Variants in SIN3A observed in about 807,000 individuals in gnomAD.
SIN3A encodes the protein SIN3 transcription regulator family member A.
A neutral mutation model predicts 146.1 loss-of-function variants in SIN3A; 14 were observed. The observed-to-expected ratio is 0.10, with a 90% confidence interval of 0.06 to 0.15. The LOEUF (loss-of-function observed/expected upper bound fraction) is 0.15. SIN3A is among the 10% of genes least tolerant of loss of function. The pLI is 1.00. For missense variants in SIN3A, 1,028 were observed against 1,576.0 expected (o/e 0.65, Z 5.89); for synonymous variants, 572 against 572.0 (o/e 1.00, Z 0.00).
intron 19 of SIN3A, chr15:75,376,218 A>G (rs2072853031): frequency 6.9e-6 from 2 of 289,750 alleles, no homozygotes; most frequent in Admixed American, 4.8e-5. Flanking sequence ...ATCATACTAT[A>G]TATTTTGTCC....
In SIN3A at chr15:75,430,400, C is replaced by A. The variant is rs770765767; in HGVS notation, c.-25G>T. The A allele has an allele frequency of 1.9e-6, 3 of 1,578,026 alleles. No homozygotes were observed. The highest frequency in any genetic ancestry group is 1.2e-5 in the South Asian group (1 of 86,524). ...TTCTGTGCTCATGCTCAGGGATGCA[C>A]TACAAAACCTGCAGAAACCAAAAGC... On this transcript the variant is annotated 5_prime_UTR_variant, in exon 2 of 21. Coordinates refer to ENST00000394947, the MANE Select transcript of SIN3A (RefSeq NM_001145358.2).
chr15:75,400,043 A>G lies in SIN3A; in HGVS notation c.1851T>C (p.Phe617=). 1 of 1,568,258 alleles carries G rather than the reference A, an allele frequency of 6.4e-7. No homozygotes were observed. The highest frequency in any genetic ancestry group is 8.8e-7 in the Non-Finnish European group (1 of 1,138,502). The change falls in exon 12 of 21, where the codon TTT becomes TTC. Residue 617 remains phenylalanine (F), a synonymous_variant. Coordinates refer to ENST00000394947, the MANE Select transcript of SIN3A (RefSeq NM_001145358.2). The part of the protein sequence containing the change: ...EHIYRCEDER[F]ELDVVLETNL... ...CAAATGCCAAACAAGCTTGTACCTCAAAGCGTTCATCTTCACAACGATAAA... is the reference window on the plus strand; with the variant it reads ...CAAATGCCAAACAAGCTTGTACCTCGAAGCGTTCATCTTCACAACGATAAA...
chr15:75,444,619 A>G (rs1490457172), intron 1 of SIN3A, among the ~76,000 whole-genome samples: 1 of 152,038 alleles, frequency 6.6e-6, no homozygotes, highest in Non-Finnish European at 1.5e-5. Context: ...CTGTAATCCC[A>G]GCACTTTGGG....
chr15:75,411,300 C>T (rs1049951446), intron 6 of SIN3A, among the ~76,000 whole-genome samples, 192 bp downstream of exon 6: 1 of 152,208 alleles, frequency 6.6e-6, no homozygotes, highest in African/African-American at 2.4e-5. Context: ...TACACTCCAG[C>T]CTGGGTGACA....
intron 1 of SIN3A, among the ~76,000 whole-genome samples, chr15:75,445,220 A>C (rs754428813): frequency 3.3e-5 from 5 of 151,902 alleles, no homozygotes; most frequent in Non-Finnish European, 7.4e-5. Context: ...GTCTCTACTA[A>C]AAATACAAAA....
intron 9 of SIN3A, among the ~76,000 whole-genome samples, chr15:75,405,750 CAAAAATAAAAAT>C (rs1208326085): frequency 2.0e-5 from 3 of 151,946 alleles, no homozygotes; most frequent in Non-Finnish European, 2.9e-5. Context: ...GGCTCTGTCT[CAAAAATAAAAAT>C]AAAAATAAAA....
intron 20 of SIN3A, among the ~76,000 whole-genome samples, chr15:75,373,316 T>G (rs573236187): frequency 6.6e-6 from 1 of 152,092 alleles, no homozygotes; most frequent in Non-Finnish European, 1.5e-5. Flanking sequence ...AAGTGGAGGA[T>G]GCAGTGAGCT....
In SIN3A at chr15:75,396,447, G is replaced by A; in HGVS notation, c.1904C>T (p.Ala635Val). Residue 635 changes from alanine (A) to valine (V), a missense_variant, in exon 13 of 21, where the codon GCA becomes GTA. Coordinates refer to ENST00000394947, the MANE Select transcript of SIN3A (RefSeq NM_001145358.2). The part of the protein sequence containing the change: ...TNLATIRVLE[A>V]IQKKLSRLSA... Reference sequence around the variant, plus strand: ...CAAGCGGGAAAGCTTCTTCTGTATTGCTTCCAGAACCCGGATTGTTGCCAG... The same window carrying A: ...CAAGCGGGAAAGCTTCTTCTGTATTACTTCCAGAACCCGGATTGTTGCCAG... The A allele has an allele frequency of 6.2e-7, 1 of 1,614,074 alleles. No individual in the cohort carries two copies. Among genetic ancestry groups the A allele is most frequent in the African/African-American group, 1.3e-5 (1 of 75,004 alleles).
intron 15 of SIN3A, among the ~76,000 whole-genome samples, chr15:75,391,554 T>G (rs956992614): frequency 6.6e-6 from 1 of 151,584 alleles, no homozygotes; most frequent in African/African-American, 2.4e-5. Context: ...GGCTATTTCC[T>G]TAAGAGCCCA....
chr15:75,423,287 A>G (rs972618719), intron 2 of SIN3A, among the ~76,000 whole-genome samples: 2 of 152,120 alleles, frequency 1.3e-5, no homozygotes, highest in Non-Finnish European at 2.9e-5. Flanking sequence ...AAAAAAAAAG[A>G]AAGAAAAGAA....
intron 9 of SIN3A, among the ~76,000 whole-genome samples, chr15:75,403,853 T>C (rs2073459466): frequency 1.3e-5 from 2 of 152,304 alleles, no homozygotes; most frequent in Admixed American, 6.5e-5. Context: ...GCCTGTTGCC[T>C]CTCTTAACAT....
Position 75,380,713 on chromosome 15 carries a change from T to A in SIN3A, c.3299A>T (p.Asp1100Val). The A allele has an allele frequency of 6.2e-7, 1 of 1,613,738 alleles. No homozygotes were observed. The highest frequency in any genetic ancestry group is 8.5e-7 in the Non-Finnish European group (1 of 1,179,742). ...TGAATTCATGTATCGCTCCACGTAG[T>A]CTGACCAGCGCTAAGATGGCAAACA... ...DDPVEAERWS[D>V]YVERYMNSDT... Residue 1100 changes from aspartate to valine, a missense_variant, in exon 19 of 21, where the codon GAC becomes GTC. Asp to Val is a radical substitution (Grantham distance 152, BLOSUM62 -3). Transcript: ENST00000394947.
chr15:75,434,802 G>A (rs564174693), intron 1 of SIN3A, among the ~76,000 whole-genome samples: 27 of 151,554 alleles, frequency 1.8e-4, no homozygotes, highest in African/African-American at 5.1e-4. Flanking sequence ...CACAAAATTA[G>A]CCGGGCATGG....
chr15:75,409,652 G>A (rs565604792), intron 8 of SIN3A, among the ~76,000 whole-genome samples, 184 bp downstream of exon 8: 9 of 152,076 alleles, frequency 5.9e-5, no homozygotes, highest in Middle Eastern at 3.4e-3. Context: ...GCTTGAACCC[G>A]GGAGGCAGAG....
intron 1 of SIN3A, chr15:75,447,578 C>G (rs1342998813): frequency 6.6e-6 from 1 of 152,240 alleles, no homozygotes. Context: ...CATAATCAAG[C>G]AGTCACATTT....
chr15:75,410,021 C>A, intron 7 of SIN3A, 30 bp from the exon 8 acceptor site: 1 of 1,611,788 alleles, frequency 6.2e-7, no homozygotes, highest in South Asian at 1.1e-5. Flanking sequence ...GAGATTAATG[C>A]TCTTATCAAA....
intron 1 of SIN3A, among the ~76,000 whole-genome samples, chr15:75,442,763 T>C (rs937479700): frequency 6.6e-5 from 10 of 151,468 alleles, no homozygotes; most frequent in African/African-American, 2.4e-4. Flanking sequence ...AACCCCATCT[T>C]TTACTAAAAA....
chr15:75,377,800 G>A (rs1218628591), intron 19 of SIN3A, among the ~76,000 whole-genome samples: 2 of 152,156 alleles, frequency 1.3e-5, no homozygotes, highest in African/African-American at 4.8e-5. Flanking sequence ...TTGAGCAATT[G>A]CTTGAGTTGT....
At chr15:75,411,267 G>A (rs914858613) in intron 6 of SIN3A, among the ~76,000 whole-genome samples, 20 of 152,244 alleles carry the variant, frequency 1.3e-4, no homozygotes, top group African/African-American at 4.6e-4. Context: ...GGCGGAGACT[G>A]CAGTGAGCTG....
Sources: allele counts gnomAD v4.1 joint callset (sites outside exome capture counted in the v4.1 genomes callset), GRCh38; gene constraint gnomAD v4.1.1; transcripts MANE v1.5; gene names NCBI Gene and HGNC (gene_info 2026-07-23, HGNC 2026-07-21).